The following CLVS2 variants were observed in gnomAD, a reference collection of about 807,000 sequenced individuals.
The protein encoded by CLVS2 is clavesin 2, also known as clavesin-2.
In CLVS2, 19 loss-of-function variants were observed where a neutral mutation model predicts 29.0. The ratio of observed to expected loss-of-function variants is 0.66; its 90% CI spans 0.46 to 0.96. The LOEUF (loss-of-function observed/expected upper bound fraction) is 0.96, where lower values mean the gene tolerates loss of function less well. Ranked by LOEUF, CLVS2 falls within the 40% of genes least tolerant of loss-of-function variation. The probability of loss-of-function intolerance (pLI) is 0.00; values close to 1 mark genes in which losing one functional copy is unlikely to be tolerated. For synonymous variants in CLVS2, 161 were observed against 151.3 expected, an observed-to-expected ratio of 1.06 and a Z score of -0.47; for missense variants, 294 against 404.1, an observed-to-expected ratio of 0.73 and a Z score of 2.34.
At position 123,066,099 on chromosome 6, in the gene CLVS2, A is replaced by G. The variant is rs561672692; in HGVS notation, c.*2338A>G. 6.6e-6 allele frequency: 1 copy of G among 151,814 alleles called. No homozygotes were observed. Among genetic ancestry groups the G allele is most frequent in the East Asian group, 1.9e-4 (1 of 5,170 alleles). 9.4% of individuals were successfully genotyped at this position (151,814 alleles called of 1,614,324 possible). On this transcript the variant is annotated 3_prime_UTR_variant, in exon 6 of 6. Coordinates refer to ENST00000275162, the MANE Select transcript of CLVS2 (RefSeq NM_001010852.4). ...AATGATGATGCCTTTTGAAATTACC[A>G]TATCTAGTTCATTCTGTGAATAAAC...
At position 123,068,226 on chromosome 6, in the gene CLVS2, T is replaced by A. The variant is rs770175551; in HGVS notation, c.*4465T>A. On this transcript the variant is annotated 3_prime_UTR_variant, in exon 6 of 6. Transcript: ENST00000275162. ...AGGTGTACAAATGATGCTATTGAAA[T>A]AAAAAAATGTAGAAATCACTTAATT... 1.3e-4 allele frequency: 19 copies of A among 151,416 alleles called. No homozygotes were observed. The highest frequency in any genetic ancestry group is 2.2e-4 in the Non-Finnish European group (15 of 67,582). The allele number at this position is 151,416 out of a possible 1,614,324, so 9.4% of individuals were successfully genotyped here.
intron 3 of CLVS2, among the ~76,000 whole-genome samples, chr6:123,030,065 C>T (rs1238171047): frequency 1.3e-5 from 2 of 152,212 alleles, no homozygotes; most frequent in East Asian, 3.8e-4. Flanking sequence ...AAAAACTGCG[C>T]AAGCGCTGGC....
intron 3 of CLVS2, among the ~76,000 whole-genome samples, chr6:123,018,386 A>G (rs1774871043): frequency 6.6e-6 from 1 of 152,054 alleles, no homozygotes; most frequent in Non-Finnish European, 1.5e-5. Flanking sequence ...ACTCAATGGC[A>G]TCGGTTTTTT....
chr6:123,007,846 A>G (rs1178887524), intron 2 of CLVS2, among the ~76,000 whole-genome samples: 2 of 152,212 alleles, frequency 1.3e-5, no homozygotes, highest in Admixed American at 6.6e-5. Flanking sequence ...CAAGAGAAGA[A>G]TAACAATAGT....
At chr6:123,010,135 C>T (rs951512586) in intron 2 of CLVS2, among the ~76,000 whole-genome samples, 3 of 152,060 alleles carry the variant, frequency 2.0e-5, no homozygotes, top group African/African-American at 7.2e-5. Flanking sequence ...TCCCTAATTT[C>T]AGTCCTCACA....
chr6:123,011,490 A>C (rs1379882894), intron 3 of CLVS2, among the ~76,000 whole-genome samples: 5 of 152,000 alleles, frequency 3.3e-5, no homozygotes, highest in Non-Finnish European at 7.4e-5. Flanking sequence ...TTCTGTGCCT[A>C]TTAATTAGCT....
intron 3 of CLVS2, among the ~76,000 whole-genome samples, chr6:123,041,020 T>A (rs1775222589): frequency 6.6e-6 from 1 of 152,074 alleles, no homozygotes; most frequent in Non-Finnish European, 1.5e-5. Flanking sequence ...ATGAAACAAG[T>A]GGAACTCATG....
At chr6:123,062,110 G>A (rs1304514189) in intron 5 of CLVS2, among the ~76,000 whole-genome samples, 4 of 152,098 alleles carry the variant, frequency 2.6e-5, no homozygotes, top group Non-Finnish European at 4.4e-5. Flanking sequence ...GGAACTTGCA[G>A]TCTAGTGCAT....
chr6:123,037,472 T>C (rs925602319), intron 3 of CLVS2, among the ~76,000 whole-genome samples: 3 of 152,134 alleles, frequency 2.0e-5, no homozygotes, highest in Admixed American at 6.6e-5. Flanking sequence ...TCAAGTAAGG[T>C]AGAGAATTTT....
At chr6:123,052,701 T>C (rs1772630164) in intron 4 of CLVS2, among the ~76,000 whole-genome samples, 1 of 152,138 alleles carries the variant, frequency 6.6e-6, no homozygotes. Context: ...AGTAAAGGGC[T>C]GAGTTGAAAG....
rs990436142 is a variant in CLVS2, at chr6:123,063,971, C to T, written c.*210C>T. 2.3e-6 allele frequency: 1 copy of T among 432,550 alleles called. No individual in the cohort carries two copies. 26.8% of individuals were successfully genotyped at this position (432,550 alleles called of 1,614,324 possible). On this transcript the variant is annotated 3_prime_UTR_variant, in exon 6 of 6. Transcript: ENST00000275162. ...ATGTCAATAATTTATTCTGTAAGTG[C>T]CAAGTTGTTTGTAAATATAATGTAA... is the stretch of plus-strand genomic sequence containing the variant.
intron 3 of CLVS2, among the ~76,000 whole-genome samples, chr6:123,022,228 T>A (rs903752781): frequency 2.0e-5 from 3 of 152,122 alleles, no homozygotes; most frequent in African/African-American, 7.2e-5. Context: ...GAGCCACATG[T>A]ACATTTTATC....
At position 123,072,259 on chromosome 6, in the gene CLVS2, T is replaced by C. The variant is rs1772961722; in HGVS notation, c.*8498T>C. ...GAATTTAAAGAATCAGCAGGTGATG[T>C]TGAAGAAGAAATATAACCTGAAATA... On this transcript the variant is annotated 3_prime_UTR_variant, in exon 6 of 6. Coordinates refer to ENST00000275162, the MANE Select transcript of CLVS2 (RefSeq NM_001010852.4). 2.0e-5 allele frequency: 3 copies of C among 152,108 alleles called. No homozygotes were observed. The highest frequency in any genetic ancestry group is 2.0e-4 in the Admixed American group (3 of 15,252). The allele number at this position is 152,108 out of a possible 1,614,324, so 9.4% of individuals were successfully genotyped here. A position where few individuals can be genotyped will look rare whatever the true frequency, so the allele number is the denominator to read the frequency against.
chr6:123,017,062 T>C (rs1445711511), intron 3 of CLVS2, among the ~76,000 whole-genome samples: 1 of 150,286 alleles, frequency 6.7e-6, no homozygotes, highest in Non-Finnish European at 1.5e-5. Flanking sequence ...TTGTAATTTC[T>C]AACAGCTTTG....
At position 122,997,970 on chromosome 6, in the gene CLVS2, C is replaced by A; in HGVS notation, c.193C>A (p.His65Asn). The change falls in exon 2 of 6, where the codon CAC becomes AAC. Residue 65 changes from histidine to asparagine, a missense_variant. Physicochemically the swap from His to Asn is moderately conservative, Grantham distance 68 (BLOSUM62 1). Transcript: ENST00000275162. ...LRFLRARKFH[H>N]FEAFRLLAQY... is the part of the protein sequence containing the mutation. Reference sequence around the variant, plus strand: ...CTTCTTGCGGGCTAGGAAGTTTCATCACTTTGAGGCCTTCCGCCTCCTGGC... The same window carrying A: ...CTTCTTGCGGGCTAGGAAGTTTCATAACTTTGAGGCCTTCCGCCTCCTGGC... 6.2e-7 allele frequency: 1 copy of A among 1,614,108 alleles called. No individual in the cohort carries two copies.
At chr6:123,035,366 G>T (rs1775139006) in intron 3 of CLVS2, among the ~76,000 whole-genome samples, 5 of 151,822 alleles carry the variant, frequency 3.3e-5, no homozygotes, top group Admixed American at 2.0e-4. Context: ...CATGTTCAAG[G>T]AATGGGAAAC....
At chr6:123,010,078 C>T (rs1288985252) in intron 2 of CLVS2, among the ~76,000 whole-genome samples, 1 of 152,006 alleles carries the variant, frequency 6.6e-6, no homozygotes, top group Non-Finnish European at 1.5e-5. Flanking sequence ...AAAAATTTTA[C>T]TATGTATTCA....
intron 3 of CLVS2, among the ~76,000 whole-genome samples, chr6:123,025,993 A>G (rs981721636): frequency 9.2e-5 from 14 of 151,964 alleles, no homozygotes; most frequent in African/African-American, 3.1e-4. Flanking sequence ...TTATAAATTT[A>G]TAAATATATT....
intron 3 of CLVS2, among the ~76,000 whole-genome samples, chr6:123,041,670 G>A (rs1026813427): frequency 6.6e-6 from 1 of 152,026 alleles, no homozygotes; most frequent in African/African-American, 2.4e-5. Flanking sequence ...TAATAGTAAT[G>A]GCAGAAAGGA....
Sources: allele counts gnomAD v4.1 joint callset (sites outside exome capture counted in the v4.1 genomes callset), GRCh38; gene constraint gnomAD v4.1.1; transcripts MANE v1.5; gene names NCBI Gene and HGNC (gene_info 2026-07-23, HGNC 2026-07-21).